DNAH7: variants seen among roughly 807,000 people sequenced by gnomAD.
DNAH7 encodes axonemal beta dynein heavy chain 7.
In DNAH7, 397 loss-of-function variants were observed where a neutral mutation model predicts 444.6. That is an observed-to-expected ratio of 0.89 (90% CI 0.82 to 0.97). The LOEUF is 0.97. Among genes scored for constraint, DNAH7 ranks in the 50% least tolerant of loss-of-function variants. The probability of loss-of-function intolerance (pLI) is 0.00; values close to 1 mark genes in which losing one functional copy is unlikely to be tolerated. For synonymous variants in DNAH7, 1,636 were observed against 1,624.4 expected (o/e 1.01, Z -0.17); for missense variants, 4,902 against 4,800.8 (o/e 1.02, Z -0.62).
At chr2:195,957,619 A>G (rs1035587814) in intron 18 of DNAH7, among the ~76,000 whole-genome samples, 172 bp from the exon 19 acceptor site, 2 of 140,790 alleles carry the variant, frequency 1.4e-5, no homozygotes, top group Non-Finnish European at 2.9e-5. Context: ...ATTATATACA[A>G]TCTTGTATAT....
intron 40 of DNAH7, among the ~76,000 whole-genome samples, chr2:195,870,483 T>C (rs1229732738): frequency 6.6e-6 from 1 of 152,198 alleles, no homozygotes; most frequent in Admixed American, 6.5e-5. Context: ...GCCAAATGCT[T>C]CCTCGTGAGT....
intron 25 of DNAH7, among the ~76,000 whole-genome samples, chr2:195,908,847 G>A (rs1405459653): frequency 6.6e-6 from 1 of 152,028 alleles, no homozygotes; most frequent in East Asian, 1.9e-4. Flanking sequence ...AATTCTAATT[G>A]TTCCAGTATC....
At chr2:195,876,438 T>C (rs1701058977) in intron 37 of DNAH7, 106 bp downstream of exon 37, 2 of 1,174,462 alleles carry the variant, frequency 1.7e-6, no homozygotes, top group Non-Finnish European at 2.4e-6. Flanking sequence ...TTTGTGACAT[T>C]AAAAAACTAT....
At chr2:195,879,909 T>A (rs1476579485) in intron 36 of DNAH7, among the ~76,000 whole-genome samples, 2 of 152,184 alleles carry the variant, frequency 1.3e-5, no homozygotes, top group Non-Finnish European at 2.9e-5. Flanking sequence ...CCTACCACTA[T>A]CAAGATATTA....
intron 27 of DNAH7, chr2:195,903,955 AC>A (rs1686860759): frequency 1.3e-5 from 2 of 152,118 alleles, no homozygotes; most frequent in African/African-American, 4.8e-5. Context: ...CAGGATTAAT[AC>A]CCAGGGTTTA....
At chr2:195,829,069 GAA>G (rs1314128154) in intron 48 of DNAH7, among the ~76,000 whole-genome samples, 4 of 152,128 alleles carry the variant, frequency 2.6e-5, no homozygotes, top group Non-Finnish European at 4.4e-5. Context: ...TGGTTTTTCT[GAA>G]AAGTTTGTCT....
chr2:195,803,731 T>C lies in DNAH7; in HGVS notation c.10176+3009A>G, dbSNP rs1214168617. Among the ~76,000 whole-genome samples, 6 of 152,230 alleles carry C rather than the reference T, an allele frequency of 3.9e-5. No individual in the cohort carries two copies. The East Asian group carries it at 1.2e-3, about 29-fold the overall frequency. ...ATTTATCTGAGGCCAGAGAAACATA[T>C]TAACTTATATTTGACAAGTTTCTTA... On this transcript the variant is annotated intron_variant, in intron 54 of 64. Transcript: ENST00000312428.
At chr2:195,748,725 A>C (rs1334323688) in intron 63 of DNAH7, among the ~76,000 whole-genome samples, 5 of 152,352 alleles carry the variant, frequency 3.3e-5, no homozygotes, top group Admixed American at 2.0e-4. Flanking sequence ...GAGAAAAACA[A>C]GCAATGGGGA....
intron 5 of DNAH7, 132 bp from the exon 6 acceptor site, chr2:196,028,179 A>G (rs1273378949): frequency 3.0e-6 from 2 of 666,426 alleles, no homozygotes; most frequent in Non-Finnish European, 4.9e-6. Context: ...CATTTTACAA[A>G]CAGCATACAC....
At chr2:195,868,528 G>C (rs1264163360) in intron 40 of DNAH7, among the ~76,000 whole-genome samples, 1 of 150,354 alleles carries the variant, frequency 6.7e-6, no homozygotes, top group Admixed American at 6.7e-5. Flanking sequence ...TGAATCCTTT[G>C]CTCACTTTTA....
chr2:195,972,489 G>A (rs1413654204), intron 15 of DNAH7, 23 bp from the exon 16 acceptor site: 1 of 1,577,240 alleles, frequency 6.3e-7, no homozygotes, highest in South Asian at 1.1e-5. Context: ...AAAAATTACA[G>A]GTGACATTTT....
At chr2:195,900,818 A>G (rs536182005) in intron 27 of DNAH7, 12 of 199,592 alleles carry the variant, frequency 6.0e-5, no homozygotes, top group South Asian at 4.9e-4. Context: ...TTTCCAACAC[A>G]AATAAATGAT....
Position 196,000,912 on chromosome 2 carries a change from T to C in DNAH7, c.1174-29A>G, listed in dbSNP as rs761495315. 2.6e-6 allele frequency: 4 copies of C among 1,520,138 alleles called. No homozygotes were observed. The African/African-American group carries it at 5.6e-5, about 21-fold the overall frequency. 94.2% of individuals were successfully genotyped at this position (1,520,138 alleles called of 1,614,324 possible). ...CAAAAAATTAAAAAATTTACATACA[T>C]AAATATGTATGAATTGTGACAGACT... On this transcript the variant is annotated intron_variant, in intron 11 of 64. Transcript: ENST00000312428.
Position 195,771,772 on chromosome 2 carries a change from G to A in DNAH7, c.11321C>T (p.Pro3774Leu), listed in dbSNP as rs1348468083. ...GTTCATGCTCTGAGTATAAGTTGTT[G>A]GGTACCTCCTCATGGCAGCCTCGAT... is the stretch of plus-strand genomic sequence containing the variant. ...FDIEAAMRRY[P>L]TTYTQSMNTV... is the part of the protein sequence containing the mutation. The change falls in exon 61 of 65, where the codon CCA becomes CTA. Residue 3774 changes from proline to leucine, a missense_variant. By Grantham distance (98) the Pro-to-Leu change is moderately conservative. Coordinates refer to ENST00000312428, the MANE Select transcript of DNAH7 (RefSeq NM_018897.3). 18 of 1,614,020 alleles carry A rather than the reference G, an allele frequency of 1.1e-5. No homozygotes were observed. Among genetic ancestry groups the A allele is most frequent in the Non-Finnish European group, 1.4e-5 (17 of 1,179,982 alleles).
intron 12 of DNAH7, among the ~76,000 whole-genome samples, chr2:195,989,424 T>C (rs1198037454): frequency 1.3e-5 from 2 of 152,222 alleles, no homozygotes; most frequent in Non-Finnish European, 2.9e-5. Flanking sequence ...TATTTGTATT[T>C]CTCTGATAAT....
At chr2:195,957,469 C>A in intron 18 of DNAH7, 22 bp from the exon 19 acceptor site, 1 of 1,471,960 alleles carries the variant, frequency 6.8e-7, no homozygotes, top group Non-Finnish European at 9.1e-7. Context: ...AACACAGTGG[C>A]TCTTACTGAC....
intron 27 of DNAH7, chr2:195,902,259 T>C (rs759736288): frequency 1.3e-5 from 2 of 152,144 alleles, no homozygotes; most frequent in Non-Finnish European, 2.9e-5. Context: ...TTAGAGGCCA[T>C]AGTGCTGCTA....
chr2:195,941,721 A>G (rs1433191783), intron 19 of DNAH7, among the ~76,000 whole-genome samples: 6 of 152,108 alleles, frequency 3.9e-5, no homozygotes, highest in African/African-American at 1.4e-4. Flanking sequence ...TCCTCATTAA[A>G]CCTTTTGCAC....
At chr2:195,983,028 C>G (rs1692678320) in intron 15 of DNAH7, among the ~76,000 whole-genome samples, 1 of 148,808 alleles carries the variant, frequency 6.7e-6, no homozygotes, top group South Asian at 2.1e-4. Context: ...GTGCCAGATA[C>G]CCCATTTACC....
Sources: gnomAD v4.1 joint callset for allele counts (sites outside exome capture counted in the v4.1 genomes callset) on GRCh38, gnomAD v4.1.1 for gene constraint, MANE v1.5 for transcripts, NCBI Gene and HGNC (gene_info 2026-07-23, HGNC 2026-07-21) for gene names.